TMEM169: variants seen among roughly 807,000 people sequenced by gnomAD.
The protein encoded by TMEM169 is transmembrane protein 169.
TMEM169 carries 18 observed loss-of-function variants against 27.3 expected under a neutral mutation model. The ratio of observed to expected loss-of-function variants is 0.66; its 90% CI spans 0.46 to 0.98. The LOEUF is 0.98. TMEM169 is among the 50% of genes least tolerant of loss of function. The probability of loss-of-function intolerance (pLI) is 0.00; values close to 1 mark genes in which losing one functional copy is unlikely to be tolerated. For missense variants in TMEM169, 320 were observed against 368.6 expected, an observed-to-expected ratio of 0.87 and a Z score of 1.08; for synonymous variants, 136 against 142.1, an observed-to-expected ratio of 0.96 and a Z score of 0.30.
chr2:216,086,251 G>A (rs957103964), intron 1 of TMEM169, among the ~76,000 whole-genome samples: 4 of 151,904 alleles, frequency 2.6e-5, no homozygotes. Flanking sequence ...TTTTAGTAGA[G>A]GGGGTTTCAC....
chr2:216,089,819 C>T (rs1394144276), intron 1 of TMEM169, among the ~76,000 whole-genome samples: 1 of 152,178 alleles, frequency 6.6e-6, no homozygotes, highest in Non-Finnish European at 1.5e-5. Context: ...TAGAATTAAA[C>T]CCAAGTTCTC....
chr2:216,099,772 A>T lies in TMEM169; in HGVS notation c.272-148A>T. 7 of 1,071,388 alleles carry T rather than the reference A, an allele frequency of 6.5e-6. No homozygotes were observed. The highest frequency in any genetic ancestry group is 9.4e-6 in the Non-Finnish European group (7 of 742,294). The allele number at this position is 1,071,388 out of a possible 1,614,324, so 66.4% of individuals were successfully genotyped here. ...TCACTCTCCCGAGGGAGACCCACTC[A>T]GTCCGCCATTGAATCACTGACTCAG... On this transcript the variant is annotated intron_variant, in intron 2 of 2. Coordinates refer to ENST00000437356, the MANE Select transcript of TMEM169 (RefSeq NM_001142311.2). The surrounding 1 kb of genome is among the most constrained non-coding windows in gnomAD (Gnocchi z 5.0).
intron 1 of TMEM169, among the ~76,000 whole-genome samples, chr2:216,092,967 C>G (rs1487190177): frequency 6.6e-6 from 1 of 151,988 alleles, no homozygotes; most frequent in Non-Finnish European, 1.5e-5. Flanking sequence ...TATAAGAGGA[C>G]TTGGACCAGG....
chr2:216,098,821 G>A (rs909187021), intron 2 of TMEM169, among the ~76,000 whole-genome samples: 2 of 151,028 alleles, frequency 1.3e-5, no homozygotes, highest in Admixed American at 1.3e-4. Flanking sequence ...TGTAATGTGT[G>A]GTGTGTGTGT....
chr2:216,099,877 C>A lies in TMEM169; in HGVS notation c.272-43C>A, dbSNP rs767232311. On this transcript the variant is annotated intron_variant, in intron 2 of 2. Coordinates refer to ENST00000437356, the MANE Select transcript of TMEM169 (RefSeq NM_001142311.2). The surrounding 1 kb of genome is among the most constrained non-coding windows in gnomAD (Gnocchi z 5.0). ...AGGGTGCAACATGGAGATGCAATGC[C>A]CACTCTTCTGATCTTGACTCTCACC... 1 of 1,570,210 alleles carries A rather than the reference C, an allele frequency of 6.4e-7. No individual in the cohort carries two copies. Among genetic ancestry groups the A allele is most frequent in the African/African-American group, 1.4e-5 (1 of 73,316 alleles).
In TMEM169 at chr2:216,101,650, TG is replaced by T. The variant is rs1194822995; in HGVS notation, c.*1109del. On this transcript the variant is annotated 3_prime_UTR_variant, in exon 3 of 3. Coordinates refer to ENST00000437356, the MANE Select transcript of TMEM169 (RefSeq NM_001142311.2). ...CGTGCCACCATACCCGGCTAATTTTTGTATTTTTTTTTTAGTAGAGATGGGG... is the reference window on the plus strand; with the variant it reads ...CGTGCCACCATACCCGGCTAATTTTTTATTTTTTTTTTAGTAGAGATGGGG... 7.0e-4 allele frequency: 102 copies of T among 145,766 alleles called. No homozygotes were observed. The highest frequency in any genetic ancestry group is 2.7e-3 in the African/African-American group (95 of 35,178). 9.0% of individuals were successfully genotyped at this position (145,766 alleles called of 1,614,324 possible). A position where few individuals can be genotyped will look rare whatever the true frequency, so the allele number is the denominator to read the frequency against.
chr2:216,093,550 T>TA (rs1404762348), intron 1 of TMEM169, among the ~76,000 whole-genome samples: 18 of 152,270 alleles, frequency 1.2e-4, no homozygotes, highest in African/African-American at 4.3e-4. Context: ...ATCCTGTGGA[T>TA]CCTACCACTA....
intron 2 of TMEM169, among the ~76,000 whole-genome samples, chr2:216,098,636 C>T (rs1696313659): frequency 6.6e-6 from 1 of 152,054 alleles, no homozygotes; most frequent in African/African-American, 2.4e-5. Context: ...CCATGCCTGC[C>T]TAAAGGCTGT....
intron 1 of TMEM169, among the ~76,000 whole-genome samples, chr2:216,086,617 AAC>A: frequency 6.6e-6 from 1 of 152,354 alleles, no homozygotes; most frequent in Middle Eastern, 3.4e-3. Context: ...TTTCTTTCTT[AAC>A]AGTTGTTTAT....
chr2:216,090,441 G>A (rs1019367327), intron 1 of TMEM169, among the ~76,000 whole-genome samples: 2 of 152,220 alleles, frequency 1.3e-5, no homozygotes, highest in Non-Finnish European at 2.9e-5. Flanking sequence ...CATTACATGA[G>A]TGAACCATCT....
intron 1 of TMEM169, among the ~76,000 whole-genome samples, chr2:216,090,037 G>A (rs770121649): frequency 5.3e-5 from 8 of 152,214 alleles, no homozygotes; most frequent in Non-Finnish European, 8.8e-5. Context: ...GCATGTGTGT[G>A]TGTCTGTGTG....
In TMEM169 at chr2:216,099,655, G is replaced by C. The variant is rs1456193444; in HGVS notation, c.272-265G>C. Among the ~76,000 whole-genome samples the C allele has an allele frequency of 1.3e-5, 2 of 152,126 alleles. No homozygotes were observed. The highest frequency in any genetic ancestry group is 2.9e-5 in the Non-Finnish European group (2 of 68,008). ...CAAGATTGAGGCCCCAAAAAGCGGA[G>C]AGAGTAGGTGAAAAGCTTAACCTGC... On this transcript the variant is annotated intron_variant, in intron 2 of 2. Coordinates refer to ENST00000437356, the MANE Select transcript of TMEM169 (RefSeq NM_001142311.2). This position sits in a 1 kb window ranked among gnomAD's most constrained non-coding sequence, Gnocchi z 5.0.
rs532754079 is a variant in TMEM169 at position 216,087,036 on chromosome 2, G to A, written c.-127+5057G>A. 3.8e-4 allele frequency among the ~76,000 whole-genome samples: 58 copies of A among 152,314 alleles called. No individual in the cohort carries two copies. In the East Asian group the frequency reaches 4.6e-3, roughly 12 times the overall value. ...CAGGGTTAGGGTGGGAGGAGAGGACGTGGGGGCTGGGGTAGTCACAGAAGG... is the reference window on the plus strand; with the variant it reads ...CAGGGTTAGGGTGGGAGGAGAGGACATGGGGGCTGGGGTAGTCACAGAAGG... On this transcript the variant is annotated intron_variant, in intron 1 of 2. Transcript: ENST00000437356.
At chr2:216,096,361 C>T in intron 2 of TMEM169, 127 bp downstream of exon 2, 2 of 1,131,028 alleles carry the variant, frequency 1.8e-6, no homozygotes, top group Non-Finnish European at 2.5e-6. Flanking sequence ...TGCAATATTA[C>T]CACCTTTTAT....
intron 2 of TMEM169, among the ~76,000 whole-genome samples, chr2:216,098,484 CTG>C (rs1263548349): frequency 1.3e-5 from 2 of 152,154 alleles, no homozygotes; most frequent in Non-Finnish European, 2.9e-5. Context: ...GTGATGAAGA[CTG>C]TGAAAAGACA....
At chr2:216,091,523 C>T (rs1311014252) in intron 1 of TMEM169, among the ~76,000 whole-genome samples, 2 of 142,214 alleles carry the variant, frequency 1.4e-5, no homozygotes, top group African/African-American at 5.4e-5. Flanking sequence ...CGCCACTGCA[C>T]TCCAGCCTAT....
intron 1 of TMEM169, among the ~76,000 whole-genome samples, chr2:216,094,058 T>C (rs548873309): frequency 6.9e-4 from 105 of 152,220 alleles, no homozygotes; most frequent in African/African-American, 2.4e-3. Flanking sequence ...GGATGGCAAA[T>C]GGTGTACATG....
intron 1 of TMEM169, among the ~76,000 whole-genome samples, chr2:216,094,149 C>T (rs1182357432): frequency 6.6e-6 from 1 of 152,290 alleles, no homozygotes; most frequent in East Asian, 1.9e-4. Flanking sequence ...AGCCAGTAAC[C>T]TGGAGTTGCT....
chr2:216,089,580 C>T (rs1696081231), intron 1 of TMEM169, among the ~76,000 whole-genome samples: 2 of 152,222 alleles, frequency 1.3e-5, no homozygotes, highest in South Asian at 2.1e-4. Flanking sequence ...CCTCAGCCTC[C>T]TGAGTAGCTG....
Sources: allele counts gnomAD v4.1 joint callset (sites outside exome capture counted in the v4.1 genomes callset), GRCh38; gene constraint gnomAD v4.1.1; non-coding constraint Gnocchi (gnomAD v3.1); transcripts MANE v1.5; gene names NCBI Gene and HGNC (gene_info 2026-07-23, HGNC 2026-07-21).